Variants in CAB39 observed in about 807,000 individuals in gnomAD.
CAB39 encodes calcium-binding protein 39.
CAB39 carries 8 observed loss-of-function variants against 40.0 expected under a neutral mutation model. The observed-to-expected ratio is 0.20, with a 90% CI of 0.12 to 0.36. CAB39 has a LOEUF of 0.36. Ranked by LOEUF, CAB39 falls within the 10% of genes least tolerant of loss-of-function variation. CAB39 has a pLI of 1.00. For synonymous variants in CAB39, 156 were observed against 141.6 expected (o/e 1.10, Z -0.72); for missense variants, 270 against 401.1 (o/e 0.67, Z 2.79).
At position 230,766,682 on chromosome 2, in the gene CAB39, C is replaced by A. The variant is rs562265977; in HGVS notation, c.114+6567C>A. ...TAGCTGGGACTACAAGCATGTGCCA[C>A]CATGTTTGGCAAATTTTTCTATTTT... On this transcript the variant is annotated intron_variant, in intron 2 of 8. Coordinates refer to ENST00000258418, the MANE Select transcript of CAB39 (RefSeq NM_016289.4). Among the ~76,000 whole-genome samples the A allele has an allele frequency of 3.9e-5, 6 of 152,330 alleles. No homozygotes were observed. The East Asian group carries it at 1.2e-3, about 29-fold the overall frequency.
chr2:230,747,324 G>A (rs1342871231), intron 1 of CAB39, among the ~76,000 whole-genome samples: 2 of 152,246 alleles, frequency 1.3e-5, no homozygotes, highest in African/African-American at 2.4e-5. Context: ...TGGCATTGCT[G>A]TAGTTTCCAA....
intron 2 of CAB39, among the ~76,000 whole-genome samples, chr2:230,777,053 G>T (rs1438471815): frequency 1.3e-5 from 2 of 152,112 alleles, no homozygotes; most frequent in African/African-American, 2.4e-5. Flanking sequence ...TGTGTAGTAG[G>T]GAAGTGTGTA....
chr2:230,713,903 G>C (rs926551170), intron 1 of CAB39: 1 of 152,340 alleles, frequency 6.6e-6, no homozygotes, highest in Non-Finnish European at 1.5e-5. Flanking sequence ...GAGGTGATAA[G>C]TCCTGTGAAA....
rs562147828 is a variant in CAB39 at position 230,782,075 on chromosome 2, A to G, written c.115-8797A>G. Among the ~76,000 whole-genome samples, 9 of 152,224 alleles carry G rather than the reference A, an allele frequency of 5.9e-5. No homozygotes were observed. In the South Asian group the frequency reaches 1.9e-3, roughly 32 times the overall value. On this transcript the variant is annotated intron_variant, in intron 2 of 8. Transcript: ENST00000258418. ...GAGACGGGGTTTCACCAAGTTGGCC[A>G]GGTTGGTCTCGAACTCCTGACCTCA...
intron 5 of CAB39, among the ~76,000 whole-genome samples, chr2:230,802,982 T>C (rs1462666027): frequency 6.6e-6 from 1 of 152,204 alleles, no homozygotes; most frequent in Non-Finnish European, 1.5e-5. Context: ...ATATCCCTGA[T>C]GAACATCAAT....
At chr2:230,782,897 C>T (rs1021541074) in intron 2 of CAB39, among the ~76,000 whole-genome samples, 2 of 149,040 alleles carry the variant, frequency 1.3e-5, no homozygotes, top group East Asian at 2.0e-4. Flanking sequence ...ACTGCAAGCT[C>T]CGCCTCCTGG....
chr2:230,748,493 G>C (rs1439059908), intron 1 of CAB39, among the ~76,000 whole-genome samples: 1 of 152,032 alleles, frequency 6.6e-6, no homozygotes, highest in Non-Finnish European at 1.5e-5. Flanking sequence ...TTGTTGCCTA[G>C]TTCCATTATT....
intron 3 of CAB39, among the ~76,000 whole-genome samples, chr2:230,792,402 G>A (rs76786228): frequency 3.0e-3 from 452 of 152,282 alleles, no homozygotes; most frequent in African/African-American, 1.0e-2. Flanking sequence ...GAGCTAGTGC[G>A]GGGCCCAGGA....
At chr2:230,745,384 G>A (rs1694954068) in intron 1 of CAB39, among the ~76,000 whole-genome samples, 1 of 152,142 alleles carries the variant, frequency 6.6e-6, no homozygotes, top group South Asian at 2.1e-4. Flanking sequence ...GTGCCTAAAG[G>A]AAGTTTGTTT....
intron 2 of CAB39, among the ~76,000 whole-genome samples, chr2:230,778,531 G>A (rs73995147): frequency 0.04 from 6,093 of 152,202 alleles, 421 homozygotes; most frequent in African/African-American, 0.14. Context: ...GAGTTAATAC[G>A]AAACCTCCTG....
intron 2 of CAB39, among the ~76,000 whole-genome samples, chr2:230,779,746 G>A (rs1432896482): frequency 6.6e-6 from 1 of 152,202 alleles, no homozygotes; most frequent in African/African-American, 2.4e-5. Flanking sequence ...AGGTATGTGT[G>A]AAAGGTTATA....
At chr2:230,765,027 G>T (rs1276382241) in intron 2 of CAB39, among the ~76,000 whole-genome samples, 4 of 151,856 alleles carry the variant, frequency 2.6e-5, no homozygotes, top group African/African-American at 7.3e-5. Context: ...TCGCTCTGTC[G>T]CCAGGCTGGA....
At chr2:230,796,289 G>T (rs1695985390) in intron 4 of CAB39, among the ~76,000 whole-genome samples, 1 of 152,146 alleles carries the variant, frequency 6.6e-6, no homozygotes, top group Non-Finnish European at 1.5e-5. Flanking sequence ...GGGCCATGCT[G>T]CTAATACTAG....
At chr2:230,750,386 T>C (rs1451177282) in intron 1 of CAB39, among the ~76,000 whole-genome samples, 1 of 152,204 alleles carries the variant, frequency 6.6e-6, no homozygotes, top group Non-Finnish European at 1.5e-5. Context: ...CTCTTCACCA[T>C]GTTAAGATAT....
At chr2:230,773,515 A>G (rs953108897) in intron 2 of CAB39, among the ~76,000 whole-genome samples, 1 of 152,164 alleles carries the variant, frequency 6.6e-6, no homozygotes, top group Non-Finnish European at 1.5e-5. Flanking sequence ...GAAATACACT[A>G]TTGAAATTCA....
chr2:230,783,555 A>T (rs1695734427), intron 2 of CAB39, among the ~76,000 whole-genome samples: 1 of 151,892 alleles, frequency 6.6e-6, no homozygotes, highest in Non-Finnish European at 1.5e-5. Flanking sequence ...ATCTCGGCTC[A>T]GTTCAACCTC....
At chr2:230,727,253 C>T (rs953509892) in intron 1 of CAB39, among the ~76,000 whole-genome samples, 7 of 144,492 alleles carry the variant, frequency 4.8e-5, no homozygotes, top group South Asian at 2.2e-4. Context: ...AAATTGGAAG[C>T]GGGTACCCTT....
At chr2:230,719,359 G>A (rs1171584197) in intron 1 of CAB39, among the ~76,000 whole-genome samples, 1 of 152,066 alleles carries the variant, frequency 6.6e-6, no homozygotes, top group African/African-American at 2.4e-5. Context: ...CCTGAAATAG[G>A]GTATGACTCC....
intron 2 of CAB39, among the ~76,000 whole-genome samples, chr2:230,788,724 G>A (rs1695840530): frequency 6.6e-6 from 1 of 152,166 alleles, no homozygotes; most frequent in African/African-American, 2.4e-5. Flanking sequence ...TTTTAACAAT[G>A]TTCCTCCACT....
Sources: allele counts gnomAD v4.1 joint callset (sites outside exome capture counted in the v4.1 genomes callset), GRCh38; gene constraint gnomAD v4.1.1; transcripts MANE v1.5; gene names NCBI Gene and HGNC (gene_info 2026-07-23, HGNC 2026-07-21).